Variants in NHSL1 observed in about 807,000 individuals in gnomAD.
NHSL1 encodes the protein NHS-like protein 1.
A neutral mutation model predicts 95.0 loss-of-function variants in NHSL1; 48 were observed. That is an observed-to-expected ratio of 0.51 (90% CI 0.40 to 0.64). The LOEUF is 0.64. Ranked by LOEUF, NHSL1 falls within the 30% of genes least tolerant of loss-of-function variation. The pLI, the probability that NHSL1 is intolerant of heterozygous loss-of-function variation, is 0.00. For missense variants in NHSL1, 1,971 were observed against 2,077.7 expected (o/e 0.95, Z 1.00); for synonymous variants, 783 against 833.9 (o/e 0.94, Z 1.05).
chr6:138,621,573 A>G (rs1309515454), intron 1 of NHSL1, among the ~76,000 whole-genome samples: 1 of 151,970 alleles, frequency 6.6e-6, no homozygotes, highest in African/African-American at 2.4e-5. Context: ...CCCAGTTTCA[A>G]ATGATTCTCC....
At chr6:138,558,639 T>C (rs1481498268) in intron 1 of NHSL1, among the ~76,000 whole-genome samples, 2 of 152,074 alleles carry the variant, frequency 1.3e-5, no homozygotes, top group Non-Finnish European at 2.9e-5. Context: ...CAGGACGGTC[T>C]TGATCTCCTG....
chr6:138,466,377 C>A (rs1043315009), intron 3 of NHSL1, among the ~76,000 whole-genome samples: 1 of 152,228 alleles, frequency 6.6e-6, no homozygotes, highest in Non-Finnish European at 1.5e-5. Flanking sequence ...ACATTTATTG[C>A]ACTGGCTGCT....
At chr6:138,633,930 G>A (rs929279238) in intron 1 of NHSL1, among the ~76,000 whole-genome samples, 2 of 152,070 alleles carry the variant, frequency 1.3e-5, no homozygotes, top group African/African-American at 4.8e-5. Flanking sequence ...TAAAAAGCAG[G>A]GGGATAAAGT....
At chr6:138,487,143 G>A (rs905039234) in intron 2 of NHSL1, among the ~76,000 whole-genome samples, 6 of 152,216 alleles carry the variant, frequency 3.9e-5, no homozygotes, top group African/African-American at 1.4e-4. Flanking sequence ...ATTGGGTGGA[G>A]GAGTAGAGAT....
At chr6:138,574,685 AAAG>A (rs1432037446), upstream of NHSL1, among the ~76,000 whole-genome samples, 110 of 144,674 alleles carry the variant, frequency 7.6e-4, 2 homozygotes, top group Middle Eastern at 3.4e-3. Context: ...AAAAAAAAAA[AAAG>A]AAAAGAAAAA....
At chr6:138,686,260 A>G (rs1481482145) in intron 1 of NHSL1, among the ~76,000 whole-genome samples, 2 of 152,212 alleles carry the variant, frequency 1.3e-5, no homozygotes, top group Admixed American at 1.3e-4. Flanking sequence ...AGTGGCTCAC[A>G]CCTGGAATCC....
At chr6:138,429,877 A>T (rs1431128231) in intron 6 of NHSL1, 34 bp from the exon 7 acceptor site, 1 of 1,532,902 alleles carries the variant, frequency 6.5e-7, no homozygotes, top group East Asian at 2.5e-5. Flanking sequence ...CAAGACGCAC[A>T]AGTGACTGGA....
At chr6:138,581,131 C>T (rs1784049388) in intron 1 of NHSL1, among the ~76,000 whole-genome samples, 1 of 152,202 alleles carries the variant, frequency 6.6e-6, no homozygotes. Flanking sequence ...TTGTTTTAAG[C>T]CACCAAGTTT....
At chr6:138,632,161 G>C (rs1673054007) in intron 1 of NHSL1, among the ~76,000 whole-genome samples, 1 of 152,222 alleles carries the variant, frequency 6.6e-6, no homozygotes, top group African/African-American at 2.4e-5. Flanking sequence ...GGAAAAGTGG[G>C]AAGGACTGCG....
chr6:138,661,148 T>G (rs1040001393), intron 1 of NHSL1, among the ~76,000 whole-genome samples: 3 of 152,182 alleles, frequency 2.0e-5, no homozygotes, highest in Non-Finnish European at 4.4e-5. Flanking sequence ...GTGGAAACAC[T>G]TCAGATGTAT....
chr6:138,555,033 A>G lies in NHSL1; in HGVS notation c.202+16677T>C, dbSNP rs576861730. ...TAAGAGTTTAAAAATAAGCAAGAAAATGATTCTTCAAATCGGCAGACCATC... is the reference window on the plus strand; with the variant it reads ...TAAGAGTTTAAAAATAAGCAAGAAAGTGATTCTTCAAATCGGCAGACCATC... On this transcript the variant is annotated intron_variant, in intron 1 of 6. Coordinates refer to the NHSL1 transcript ENST00000427025. Among the ~76,000 whole-genome samples, 4 of 152,296 alleles carry G rather than the reference A, an allele frequency of 2.6e-5. No individual in the cohort carries two copies. The South Asian group carries it at 6.2e-4, about 24-fold the overall frequency.
chr6:138,471,792 G>A lies in NHSL1; in HGVS notation c.339+1514C>T, dbSNP rs368387594. On this transcript the variant is annotated intron_variant, in intron 3 of 7. Transcript: ENST00000343505. ...AAAAGGTAAGCACAGTGACAGATAC[G>A]TTAGTCTGATTTAATCATTCCATAT... Among the ~76,000 whole-genome samples the A allele has an allele frequency of 4.6e-5, 7 of 152,084 alleles. No individual in the cohort carries two copies. In the East Asian group the frequency reaches 7.7e-4, roughly 17 times the overall value.
intron 1 of NHSL1, among the ~76,000 whole-genome samples, chr6:138,618,797 C>T (rs1307542603): frequency 1.3e-5 from 2 of 152,142 alleles, no homozygotes; most frequent in Non-Finnish European, 2.9e-5. Context: ...AGCACTTCAA[C>T]ACATCCAGAC....
At chr6:138,455,821 G>C (rs917841944) in intron 3 of NHSL1, among the ~76,000 whole-genome samples, 1 of 152,190 alleles carries the variant, frequency 6.6e-6, no homozygotes, top group African/African-American at 2.4e-5. Flanking sequence ...TCAGAAATTC[G>C]TCAGTAGCTG....
chr6:138,608,798 T>C (rs1222405669), intron 1 of NHSL1, among the ~76,000 whole-genome samples: 3 of 152,242 alleles, frequency 2.0e-5, no homozygotes, highest in Non-Finnish European at 4.4e-5. Context: ...AGTTATATCA[T>C]AATATACAAA....
At chr6:138,683,672 T>C (rs1316701538) in intron 1 of NHSL1, among the ~76,000 whole-genome samples, 3 of 152,228 alleles carry the variant, frequency 2.0e-5, no homozygotes, top group Non-Finnish European at 2.9e-5. Context: ...ATCAGGTAAC[T>C]GAGAGACACT....
At chr6:138,662,148 A>G (rs1200763775) in intron 1 of NHSL1, among the ~76,000 whole-genome samples, 205 of 151,786 alleles carry the variant, frequency 1.4e-3, no homozygotes, top group African/African-American at 4.8e-3. Flanking sequence ...TTTTTCAGAA[A>G]AAAAAAAAAA....
chr6:138,619,684 G>A (rs1784627739), intron 1 of NHSL1, among the ~76,000 whole-genome samples: 1 of 152,158 alleles, frequency 6.6e-6, no homozygotes, highest in African/African-American at 2.4e-5. Context: ...CACTTCGGGA[G>A]GACAAGGCAG....
intron 1 of NHSL1, among the ~76,000 whole-genome samples, chr6:138,565,296 A>G (rs6917974): frequency 0.32 from 49,293 of 151,874 alleles, 12,272 homozygotes; most frequent in African/African-American, 0.7. Flanking sequence ...TAGTAGAGAC[A>G]GGGTTTCACC....
Sources: allele counts gnomAD v4.1 joint callset (sites outside exome capture counted in the v4.1 genomes callset), GRCh38; gene constraint gnomAD v4.1.1; transcripts MANE v1.5; gene names NCBI Gene and HGNC (gene_info 2026-07-23, HGNC 2026-07-21).